The following CCDC85A variants were observed in gnomAD, a reference collection of about 807,000 sequenced individuals.
The protein encoded by CCDC85A is coiled-coil domain-containing protein 85A.
Under a neutral mutation model 50.2 loss-of-function variants are expected in CCDC85A, and 38 were observed. The observed-to-expected ratio is 0.76, with a 90% CI of 0.58 to 0.99. The LOEUF (loss-of-function observed/expected upper bound fraction) is 0.99. CCDC85A is among the 50% of genes least tolerant of loss of function. CCDC85A has a pLI of 0.00. For missense variants in CCDC85A, 820 were observed against 742.0 expected (o/e 1.11, Z -1.22); for synonymous variants, 366 against 301.4 (o/e 1.21, Z -2.22).
At chr2:56,295,537 G>A (rs114034853) in intron 2 of CCDC85A, among the ~76,000 whole-genome samples, 4,158 of 152,304 alleles carry the variant, frequency 0.027, 102 homozygotes, top group Non-Finnish European at 0.041. Context: ...GATGCCACTG[G>A]AGTTCACCAC....
chr2:56,336,675 G>C (rs1674089752), intron 2 of CCDC85A, among the ~76,000 whole-genome samples: 2 of 152,162 alleles, frequency 1.3e-5, no homozygotes, highest in African/African-American at 2.4e-5. Context: ...GTGTTCTGTA[G>C]GGTAACACTG....
At chr2:56,253,305 A>G (rs1669849061) in intron 2 of CCDC85A, among the ~76,000 whole-genome samples, 1 of 152,206 alleles carries the variant, frequency 6.6e-6, no homozygotes, top group African/African-American at 2.4e-5. Context: ...ATTCTTGAGG[A>G]AAGTATTGCC....
intron 2 of CCDC85A, among the ~76,000 whole-genome samples, chr2:56,319,986 G>A (rs990967835): frequency 2.0e-5 from 3 of 152,062 alleles, no homozygotes; most frequent in South Asian, 2.1e-4. Flanking sequence ...TAAGAAACTC[G>A]CTCAAAACCG....
chr2:56,259,608 A>G (rs1237305746), intron 2 of CCDC85A, among the ~76,000 whole-genome samples: 1 of 152,178 alleles, frequency 6.6e-6, no homozygotes, highest in Non-Finnish European at 1.5e-5. Context: ...CAGAAGGCAC[A>G]TGCTTTAACT....
At chr2:56,337,766 C>G (rs982384718) in intron 2 of CCDC85A, among the ~76,000 whole-genome samples, 1 of 150,792 alleles carries the variant, frequency 6.6e-6, no homozygotes, top group African/African-American at 2.5e-5. Context: ...TTATAAGTTT[C>G]TTGAATATAG....
intron 2 of CCDC85A, among the ~76,000 whole-genome samples, chr2:56,269,334 G>GGGGTGTGTGTGT (rs1553402512): frequency 6.7e-6 from 1 of 149,196 alleles, no homozygotes. Flanking sequence ...CCTTGGCAAG[G>GGGGTGTGTGTGT]GTGTGTGTGT....
At chr2:56,208,988 C>A (rs1259520379) in intron 2 of CCDC85A, among the ~76,000 whole-genome samples, 1 of 151,956 alleles carries the variant, frequency 6.6e-6, no homozygotes, top group Admixed American at 6.6e-5. Context: ...GTATACTGGC[C>A]CAGGGTCTGG....
At chr2:56,363,252 T>A (rs1462342280) in intron 3 of CCDC85A, among the ~76,000 whole-genome samples, 4 of 152,168 alleles carry the variant, frequency 2.6e-5, no homozygotes, top group Admixed American at 1.3e-4. Flanking sequence ...GTCTCGCTGA[T>A]GGTGGATTTC....
chr2:56,264,742 T>C (rs1464522784), intron 2 of CCDC85A, among the ~76,000 whole-genome samples: 4 of 152,192 alleles, frequency 2.6e-5, no homozygotes, highest in South Asian at 2.1e-4. Flanking sequence ...CTTGTAGGAC[T>C]TAAAAGACAG....
intron 3 of CCDC85A, among the ~76,000 whole-genome samples, chr2:56,368,375 T>C (rs192768801): frequency 6.6e-6 from 1 of 152,248 alleles, no homozygotes; most frequent in Non-Finnish European, 1.5e-5. Context: ...TAATCAGAGC[T>C]TTTATTTATT....
At chr2:56,237,613 C>A (rs1669075650) in intron 2 of CCDC85A, among the ~76,000 whole-genome samples, 1 of 152,124 alleles carries the variant, frequency 6.6e-6, no homozygotes, top group South Asian at 2.1e-4. Context: ...GGAAACTGAA[C>A]TTGAGAGGTT....
intron 1 of CCDC85A, among the ~76,000 whole-genome samples, chr2:56,186,472 T>C (rs1038492641): frequency 2.2e-4 from 33 of 152,180 alleles, no homozygotes; most frequent in African/African-American, 6.5e-4. Flanking sequence ...GACTATAAAA[T>C]GGTAGTTACT....
chr2:56,330,058 G>A (rs10460555), intron 2 of CCDC85A, among the ~76,000 whole-genome samples: 29,312 of 140,594 alleles, frequency 0.21, 4,119 homozygotes, highest in African/African-American at 0.41. Context: ...ATTAAAGAAA[G>A]TTGTTACATT....
chr2:56,212,914 G>T (rs1216790823), intron 2 of CCDC85A, among the ~76,000 whole-genome samples: 1 of 151,994 alleles, frequency 6.6e-6, no homozygotes, highest in East Asian at 1.9e-4. Context: ...AATAGTGGCT[G>T]TTGATAAGTG....
At chr2:56,373,534 A>C (rs17047859) in intron 4 of CCDC85A, among the ~76,000 whole-genome samples, 5,005 of 152,282 alleles carry the variant, frequency 0.033, 268 homozygotes, top group African/African-American at 0.11. Context: ...TGAACGATAG[A>C]GGCCCATGCC....
intron 2 of CCDC85A, among the ~76,000 whole-genome samples, chr2:56,332,986 G>A (rs1673889153): frequency 6.6e-6 from 1 of 152,108 alleles, no homozygotes. Context: ...TCCTTCAATA[G>A]AATTTTATTG....
intron 2 of CCDC85A, among the ~76,000 whole-genome samples, chr2:56,261,344 A>G (rs1670210976): frequency 6.6e-6 from 1 of 152,220 alleles, no homozygotes; most frequent in Non-Finnish European, 1.5e-5. Flanking sequence ...CACATCACCA[A>G]TGCATTTGAA....
At chr2:56,320,806 C>A (rs1673142766) in intron 2 of CCDC85A, among the ~76,000 whole-genome samples, 1 of 152,098 alleles carries the variant, frequency 6.6e-6, no homozygotes, top group Non-Finnish European at 1.5e-5. Context: ...CAACATCATC[C>A]TGATATCAAA....
chr2:56,197,959 G>GTGA (rs141988778), intron 2 of CCDC85A, among the ~76,000 whole-genome samples: 4,448 of 152,302 alleles, frequency 0.029, 97 homozygotes, highest in South Asian at 0.12. Flanking sequence ...GCGGATGTCG[G>GTGA]TGACGCCTGC....
Sources: gnomAD v4.1 joint callset for allele counts (sites outside exome capture counted in the v4.1 genomes callset) on GRCh38, gnomAD v4.1.1 for gene constraint, MANE v1.5 for transcripts, NCBI Gene and HGNC (gene_info 2026-07-23, HGNC 2026-07-21) for gene names.